Variants in LINGO2 observed in about 807,000 individuals in gnomAD.
LINGO2 encodes the protein leucine rich repeat and Ig domain containing 2, also known as leucine-rich repeat and immunoglobulin-like domain-containing nogo receptor-interacting protein 2.
In LINGO2, 14 loss-of-function variants were observed where a neutral mutation model predicts 30.6. The observed-to-expected ratio is 0.46, with a 90% CI of 0.30 to 0.72. The LOEUF (loss-of-function observed/expected upper bound fraction) is 0.72, where lower values mean the gene tolerates loss of function less well. Ranked by LOEUF, LINGO2 falls within the 30% of genes least tolerant of loss-of-function variation. LINGO2 has a pLI of 0.07. For missense variants in LINGO2, 729 were observed against 751.7 expected (o/e 0.97, Z 0.35); for synonymous variants, 317 against 288.5 (o/e 1.10, Z -1.00).
the LINGO2 span, among the ~76,000 whole-genome samples, chr9:28,837,649 A>AATACATATATATATATATATATAT: frequency 1.3e-5 from 1 of 75,794 alleles, no homozygotes; most frequent in Non-Finnish European, 2.5e-5. Flanking sequence ...CTCCGTCTAA[A>AATACATATATATATATATATATAT]ATATATATAT....
the LINGO2 span, among the ~76,000 whole-genome samples, chr9:29,059,082 A>C: frequency 2.6e-5 from 4 of 151,948 alleles, no homozygotes; most frequent in African/African-American, 9.7e-5. Context: ...AATCTAACAA[A>C]ACATATGAGA....
At chr9:29,031,279 T>C in the LINGO2 span, among the ~76,000 whole-genome samples, 1 of 151,824 alleles carries the variant, frequency 6.6e-6, no homozygotes, top group Admixed American at 6.6e-5. Flanking sequence ...GGTGATTTAT[T>C]TATTTATTTA....
At chr9:28,109,197 C>G (rs7034549) in intron 4 of LINGO2, among the ~76,000 whole-genome samples, 21,083 of 152,134 alleles carry the variant, frequency 0.14, 1,549 homozygotes, top group South Asian at 0.19. Context: ...ATTCAACATC[C>G]CTTCATGTTA....
the LINGO2 span, among the ~76,000 whole-genome samples, chr9:28,950,394 G>A: frequency 1.3e-5 from 2 of 152,262 alleles, no homozygotes; most frequent in East Asian, 3.9e-4. Flanking sequence ...GTTCTGGCCA[G>A]GGCAATCAGG....
chr9:28,316,470 G>A (rs1824850132), intron 3 of LINGO2, among the ~76,000 whole-genome samples: 1 of 152,156 alleles, frequency 6.6e-6, no homozygotes, highest in African/African-American at 2.4e-5. Flanking sequence ...ATTGCAGGAA[G>A]TAGGGAATAG....
At chr9:28,022,758 C>T (rs894448042) in intron 4 of LINGO2, among the ~76,000 whole-genome samples, 9 of 151,844 alleles carry the variant, frequency 5.9e-5, no homozygotes, top group East Asian at 3.9e-4. Context: ...GGGAAATTTT[C>T]GTCATTATTA....
At chr9:28,204,242 G>A (rs1385509916) in intron 4 of LINGO2, among the ~76,000 whole-genome samples, 3 of 151,946 alleles carry the variant, frequency 2.0e-5, no homozygotes, top group East Asian at 1.9e-4. Flanking sequence ...ATACACACAC[G>A]TGCATGCACA....
At chr9:28,180,239 T>A (rs1828874056) in intron 4 of LINGO2, among the ~76,000 whole-genome samples, 2 of 152,122 alleles carry the variant, frequency 1.3e-5, no homozygotes. Flanking sequence ...CAGGTGAACT[T>A]CTTTTCCATG....
chr9:28,746,832 T>G, the LINGO2 span, among the ~76,000 whole-genome samples: 1 of 152,120 alleles, frequency 6.6e-6, no homozygotes, highest in East Asian at 1.9e-4. Context: ...AACCATTTAC[T>G]AGTTCCCATG....
chr9:29,021,490 T>C, the LINGO2 span, among the ~76,000 whole-genome samples: 3 of 152,030 alleles, frequency 2.0e-5, no homozygotes, highest in African/African-American at 7.2e-5. Flanking sequence ...ACCCCATCTC[T>C]ATTAAAAATA....
upstream of LINGO2, among the ~76,000 whole-genome samples, chr9:28,671,968 A>G (rs1339486462): frequency 6.6e-6 from 1 of 152,102 alleles, no homozygotes. Flanking sequence ...TACTATCAGA[A>G]ATTAAATATA....
the LINGO2 span, among the ~76,000 whole-genome samples, chr9:28,917,076 G>C: frequency 0.041 from 6,266 of 152,246 alleles, 196 homozygotes; most frequent in Admixed American, 0.082. Flanking sequence ...TTTTGTGGTT[G>C]TCATGAATTA....
intron 4 of LINGO2, among the ~76,000 whole-genome samples, chr9:28,036,889 A>G (rs776343616): frequency 7.9e-5 from 12 of 152,234 alleles, no homozygotes; most frequent in Non-Finnish European, 1.3e-4. Flanking sequence ...CCTCAACAAA[A>G]GGTCTGAAAG....
intron 4 of LINGO2, among the ~76,000 whole-genome samples, chr9:28,171,856 C>CA (rs1564016592): frequency 7.0e-6 from 1 of 143,542 alleles, no homozygotes; most frequent in South Asian, 2.2e-4. Context: ...AAAAAAAAAA[C>CA]AAAAAACCAA....
chr9:28,235,820 C>G (rs1821542459), intron 4 of LINGO2, among the ~76,000 whole-genome samples: 1 of 152,012 alleles, frequency 6.6e-6, no homozygotes, highest in African/African-American at 2.4e-5. Flanking sequence ...TGAAGCACAC[C>G]TACAAGATCT....
chr9:28,724,010 C>T, the LINGO2 span, among the ~76,000 whole-genome samples: 5 of 151,966 alleles, frequency 3.3e-5, no homozygotes, highest in Non-Finnish European at 7.4e-5. Context: ...TTATTATGGG[C>T]ATATATGTAA....
chr9:28,010,519 A>AT lies in LINGO2; in HGVS notation c.-36+1835dup, dbSNP rs573172468. Among the ~76,000 whole-genome samples, 192 of 152,230 alleles carry AT rather than the reference A, an allele frequency of 1.3e-3. 1 individual carries two copies. The highest frequency in any genetic ancestry group is 4.5e-3 in the African/African-American group (188 of 41,546). On this transcript the variant is annotated intron_variant, in intron 5 of 5. Coordinates refer to ENST00000379992, the Ensembl canonical transcript of LINGO2. ...AATGTATAAAGCAGAGAAAAGCCCTATTTTTCTGATTCAAACAGGGATGGA... is the reference window on the plus strand; with the variant it reads ...AATGTATAAAGCAGAGAAAAGCCCTATTTTTTCTGATTCAAACAGGGATGGA...
At position 28,563,322 on chromosome 9, in the gene LINGO2, G is replaced by T. The variant is rs116637058; in HGVS notation, c.-364-87297C>A. Reference sequence around the variant, plus strand: ...CTGGGAATATCAATAAATTAAAATCGGGTACTTACAGAATTCTCAATTGTA... The same window carrying T: ...CTGGGAATATCAATAAATTAAAATCTGGTACTTACAGAATTCTCAATTGTA... On this transcript the variant is annotated intron_variant, in intron 1 of 5. Coordinates refer to ENST00000379992, the Ensembl canonical transcript of LINGO2. 2.6e-5 allele frequency among the ~76,000 whole-genome samples: 4 copies of T among 152,082 alleles called. No individual in the cohort carries two copies. The South Asian group carries it at 8.3e-4, about 32-fold the overall frequency.
intron 4 of LINGO2, among the ~76,000 whole-genome samples, chr9:28,082,116 C>T (rs988478562): frequency 1.3e-5 from 2 of 152,150 alleles, no homozygotes; most frequent in Admixed American, 1.3e-4. Context: ...GGTCTATCTT[C>T]CTGCCAGAAG....
Sources: allele counts gnomAD v4.1 joint callset (sites outside exome capture counted in the v4.1 genomes callset), GRCh38; gene constraint gnomAD v4.1.1; transcripts MANE v1.5; gene names NCBI Gene and HGNC (gene_info 2026-07-23, HGNC 2026-07-21).